The following RIMS2 variants were observed in gnomAD, a reference collection of about 807,000 sequenced individuals.
RIMS2 encodes the protein regulating synaptic membrane exocytosis 2.
Under a neutral mutation model 174.4 loss-of-function variants are expected in RIMS2, and 59 were observed. That is an observed-to-expected ratio of 0.34 (90% confidence interval 0.27 to 0.42). RIMS2 has a LOEUF of 0.42. Ranked by LOEUF, RIMS2 falls within the 10% of genes least tolerant of loss-of-function variation. The probability of loss-of-function intolerance (pLI) is 1.00; values close to 1 mark genes in which losing one functional copy is unlikely to be tolerated. For synonymous variants in RIMS2, 606 were observed against 572.5 expected, an observed-to-expected ratio of 1.06 and a Z score of -0.84; for missense variants, 1,620 against 1,666.3, an observed-to-expected ratio of 0.97 and a Z score of 0.48.
intron 15 of RIMS2, among the ~76,000 whole-genome samples, chr8:103,965,036 G>A (rs1196344090): frequency 2.6e-5 from 4 of 152,156 alleles, no homozygotes; most frequent in Admixed American, 2.0e-4. Flanking sequence ...TGACCAAAGA[G>A]TACCACAGTG....
chr8:103,841,504 C>T (rs974839712), intron 3 of RIMS2, among the ~76,000 whole-genome samples: 1 of 152,084 alleles, frequency 6.6e-6, no homozygotes, highest in Admixed American at 6.5e-5. Context: ...GAATTTCAGT[C>T]TTCACAGCCT....
intron 2 of RIMS2, among the ~76,000 whole-genome samples, chr8:103,732,525 C>T (rs2097615551): frequency 6.6e-6 from 1 of 152,150 alleles, no homozygotes; most frequent in Non-Finnish European, 1.5e-5. Context: ...TGCATCCTTC[C>T]TTTCAGTGTG....
intron 17 of RIMS2, among the ~76,000 whole-genome samples, chr8:104,010,419 A>G (rs1447976370): frequency 6.6e-6 from 1 of 152,088 alleles, no homozygotes; most frequent in Non-Finnish European, 1.5e-5. Context: ...TCTCTTTATT[A>G]TTGTGGCCTA....
chr8:103,503,655 T>C lies in RIMS2; in HGVS notation c.176+2593T>C, dbSNP rs190698927. Among the ~76,000 whole-genome samples the C allele has an allele frequency of 1.3e-3, 203 of 152,132 alleles. 1 individual carries two copies. Among genetic ancestry groups the C allele is most frequent in the African/African-American group, 4.6e-3 (190 of 41,554 alleles). ...TTTATGTTAAAAAATACATTTGATG[T>C]GTGAAGATACTGCAATGGTTAGATA... On this transcript the variant is annotated intron_variant, in intron 1 of 23. Coordinates refer to ENST00000504942, the Ensembl canonical transcript of RIMS2.
chr8:103,563,089 G>T (rs1443251062), intron 1 of RIMS2, among the ~76,000 whole-genome samples: 1 of 152,186 alleles, frequency 6.6e-6, no homozygotes, highest in East Asian at 1.9e-4. Flanking sequence ...GGGAGGGGCT[G>T]CAGCAAAGGT....
chr8:104,041,142 C>T (rs998421444), intron 19 of RIMS2, among the ~76,000 whole-genome samples, 184 bp from the exon 22 acceptor site: 3 of 151,608 alleles, frequency 2.0e-5, no homozygotes, highest in African/African-American at 7.3e-5. Context: ...AATCAACTTG[C>T]CATCAGTTCT....
intron 3 of RIMS2, among the ~76,000 whole-genome samples, chr8:103,804,551 G>C (rs1200578081): frequency 1.3e-5 from 2 of 152,174 alleles, no homozygotes; most frequent in Non-Finnish European, 2.9e-5. Flanking sequence ...GTTTGTCTAT[G>C]TGGTTTATTT....
intron 19 of RIMS2, among the ~76,000 whole-genome samples, chr8:104,178,489 G>A (rs941923594): frequency 2.0e-5 from 3 of 151,816 alleles, no homozygotes; most frequent in South Asian, 2.1e-4. Context: ...GACTCTTCCC[G>A]CCTTCCTCTT....
At chr8:103,791,516 C>T (rs1244511325) in intron 3 of RIMS2, among the ~76,000 whole-genome samples, 13 of 152,206 alleles carry the variant, frequency 8.5e-5, no homozygotes, top group Admixed American at 3.3e-4. Flanking sequence ...CATCAACTAA[C>T]GAGCAAAATA....
intron 3 of RIMS2, among the ~76,000 whole-genome samples, chr8:103,788,912 C>T (rs531050113): frequency 6.6e-6 from 1 of 152,238 alleles, no homozygotes; most frequent in African/African-American, 2.4e-5. Flanking sequence ...GCTGTGCTAG[C>T]AATCAGCGAG....
chr8:103,507,470 T>C (rs1824229417), intron 1 of RIMS2, among the ~76,000 whole-genome samples: 1 of 152,070 alleles, frequency 6.6e-6, no homozygotes, highest in Non-Finnish European at 1.5e-5. Flanking sequence ...ATTAATCGGG[T>C]GAATGAACGC....
intron 19 of RIMS2, among the ~76,000 whole-genome samples, chr8:104,091,664 A>G (rs1346004350): frequency 2.0e-5 from 3 of 150,448 alleles, no homozygotes; most frequent in Non-Finnish European, 4.5e-5. Context: ...TATATATTAT[A>G]TAGACAGATA....
chr8:103,938,316 G>C (rs1171937696), intron 13 of RIMS2, among the ~76,000 whole-genome samples: 2 of 152,170 alleles, frequency 1.3e-5, no homozygotes, highest in Admixed American at 1.3e-4. Context: ...AAGGCAAGGA[G>C]GAGCAAGTCA....
intron 3 of RIMS2, chr8:103,819,216 C>G: frequency 2.4e-6 from 3 of 1,225,350 alleles, no homozygotes; most frequent in Non-Finnish European, 3.1e-6. Flanking sequence ...AGCAGCTCAG[C>G]TTCACACTTC....
At chr8:103,977,431 T>C (rs1387254234) in intron 16 of RIMS2, 1 of 152,314 alleles carries the variant, frequency 6.6e-6, no homozygotes, top group East Asian at 1.9e-4. Flanking sequence ...AACCCTTCCC[T>C]CCTCTAGGAA....
At chr8:103,681,226 T>A (rs893890550) in intron 1 of RIMS2, among the ~76,000 whole-genome samples, 1 of 152,038 alleles carries the variant, frequency 6.6e-6, no homozygotes, top group African/African-American at 2.4e-5. Flanking sequence ...ACATAACTTG[T>A]CTGTAGAATA....
At chr8:103,980,650 C>T (rs185011114) in intron 16 of RIMS2, among the ~76,000 whole-genome samples, 40 of 152,294 alleles carry the variant, frequency 2.6e-4, no homozygotes, top group Non-Finnish European at 5.9e-5. Context: ...AAGCTTAGTA[C>T]AAGCTCAGCA....
chr8:103,884,218 T>G (rs1025872269), intron 3 of RIMS2, among the ~76,000 whole-genome samples: 3 of 151,822 alleles, frequency 2.0e-5, no homozygotes. Context: ...GCTCTTGCTT[T>G]TGGGCTAAGA....
chr8:103,632,480 G>A (rs1488646537), intron 1 of RIMS2, among the ~76,000 whole-genome samples: 5 of 152,160 alleles, frequency 3.3e-5, no homozygotes, highest in African/African-American at 9.7e-5. Context: ...GAGTGAGGTG[G>A]TGTGATCTCG....
Sources: gnomAD v4.1 joint callset for allele counts (sites outside exome capture counted in the v4.1 genomes callset) on GRCh38, gnomAD v4.1.1 for gene constraint, MANE v1.5 for transcripts, NCBI Gene and HGNC (gene_info 2026-07-23, HGNC 2026-07-21) for gene names.